The following ENTREP2 variants were observed in gnomAD, a reference collection of about 807,000 sequenced individuals.
ENTREP2 encodes endosomal transmembrane epsin interactor 2.
At chr15:29,404,312 C>T in the ENTREP2 span, among the ~76,000 whole-genome samples, 4 of 152,014 alleles carry the variant, frequency 2.6e-5, no homozygotes, top group African/African-American at 7.3e-5. Flanking sequence ...ATGGACAACT[C>T]GTGCCATGCT....
At chr15:29,257,688 A>C in the ENTREP2 span, among the ~76,000 whole-genome samples, 2 of 152,194 alleles carry the variant, frequency 1.3e-5, no homozygotes, top group Admixed American at 1.3e-4. Flanking sequence ...GCTAAATTAA[A>C]TTTAGGAAAA....
At chr15:29,135,799 C>T in the ENTREP2 span, among the ~76,000 whole-genome samples, 1 of 152,180 alleles carries the variant, frequency 6.6e-6, no homozygotes, top group Non-Finnish European at 1.5e-5. This position sits in a 1 kb window ranked among gnomAD's most constrained non-coding sequence, Gnocchi z 7.4. Flanking sequence ...ACTTCCCTGG[C>T]CTGAAGCTTC....
chr15:29,336,207 C>T, the ENTREP2 span, among the ~76,000 whole-genome samples: 1 of 151,552 alleles, frequency 6.6e-6, no homozygotes, highest in African/African-American at 2.4e-5. Context: ...CATACTTGTC[C>T]AAACTGTGAG....
the ENTREP2 span, among the ~76,000 whole-genome samples, chr15:29,383,626 T>C: frequency 7.9e-5 from 12 of 152,130 alleles, no homozygotes; most frequent in African/African-American, 2.7e-4. Context: ...GAGGAGGGCA[T>C]GATGCTGACA....
At chr15:29,179,840 C>T in the ENTREP2 span, among the ~76,000 whole-genome samples, 2 of 152,108 alleles carry the variant, frequency 1.3e-5, no homozygotes, top group Admixed American at 1.3e-4. Flanking sequence ...CCACCTCGGC[C>T]TCCCAAAGCG....
chr15:29,563,933 TATTA>T, the ENTREP2 span, among the ~76,000 whole-genome samples: 3 of 152,186 alleles, frequency 2.0e-5, no homozygotes, highest in African/African-American at 7.2e-5. Flanking sequence ...TATATTGAAA[TATTA>T]ATTTATAATT....
the ENTREP2 span, among the ~76,000 whole-genome samples, chr15:29,322,746 G>A: frequency 1.3e-5 from 2 of 152,164 alleles, no homozygotes; most frequent in African/African-American, 4.8e-5. Context: ...GCAACACGTG[G>A]ATTCAGTGAT....
At chr15:29,269,118 A>G in the ENTREP2 span, 1 of 1,614,132 alleles carries the variant, frequency 6.2e-7, no homozygotes, top group Non-Finnish European at 8.5e-7. Flanking sequence ...CCCAGGCTTC[A>G]GTTTCCTTGA....
chr15:29,170,392 G>T, the ENTREP2 span, among the ~76,000 whole-genome samples: 1 of 150,164 alleles, frequency 6.7e-6, no homozygotes, highest in South Asian at 2.1e-4. Flanking sequence ...TTAAAGATAC[G>T]ATTTACAATA....
the ENTREP2 span, among the ~76,000 whole-genome samples, chr15:29,647,043 A>G: frequency 1.8e-4 from 28 of 152,206 alleles, no homozygotes; most frequent in Non-Finnish European, 3.2e-4. Context: ...ATATAAATGC[A>G]GCTGTCATAT....
the ENTREP2 span, chr15:29,269,052 A>C: frequency 1.2e-6 from 2 of 1,614,028 alleles, no homozygotes; most frequent in Non-Finnish European, 1.7e-6. Flanking sequence ...GTTTCTTTGG[A>C]TCTCCGAAAA....
the ENTREP2 span, among the ~76,000 whole-genome samples, chr15:29,583,441 G>T: frequency 6.6e-6 from 1 of 152,122 alleles, no homozygotes; most frequent in Non-Finnish European, 1.5e-5. Flanking sequence ...TGAACAATGA[G>T]AACACATGGA....
the ENTREP2 span, among the ~76,000 whole-genome samples, chr15:29,150,906 A>T: frequency 6.6e-6 from 1 of 152,302 alleles, no homozygotes; most frequent in South Asian, 2.1e-4. Flanking sequence ...AGACAGAGAG[A>T]CAGAAAGAGA....
At chr15:29,657,525 A>G in the ENTREP2 span, among the ~76,000 whole-genome samples, 1 of 120,458 alleles carries the variant, frequency 8.3e-6, no homozygotes, top group South Asian at 2.6e-4. Context: ...TATTGTCCCC[A>G]CCCATATTCT....
At chr15:29,607,805 T>C in the ENTREP2 span, among the ~76,000 whole-genome samples, 1 of 134,944 alleles carries the variant, frequency 7.4e-6, no homozygotes, top group African/African-American at 3.3e-5. Context: ...GAGGGATAGA[T>C]AGATAGATAG....
chr15:29,665,092 A>T, the ENTREP2 span, among the ~76,000 whole-genome samples: 1 of 152,122 alleles, frequency 6.6e-6, no homozygotes, highest in Non-Finnish European at 1.5e-5. Context: ...ACACCTGGGG[A>T]GTTCATGGCT....
the ENTREP2 span, among the ~76,000 whole-genome samples, chr15:29,600,484 G>A: frequency 1.0e-2 from 1,306 of 131,238 alleles, 15 homozygotes; most frequent in Middle Eastern, 0.027. Context: ...CATCATCATC[G>A]TCATCTCATC....
At chr15:29,362,536 A>G in the ENTREP2 span, among the ~76,000 whole-genome samples, 1 of 151,836 alleles carries the variant, frequency 6.6e-6, no homozygotes, top group Non-Finnish European at 1.5e-5. Flanking sequence ...CGCCACACCC[A>G]GCTAATTTTT....
At chr15:29,369,347 C>T in the ENTREP2 span, among the ~76,000 whole-genome samples, 2,768 of 152,106 alleles carry the variant, frequency 0.018, 82 homozygotes, top group African/African-American at 0.063. Context: ...CAGTGACTTA[C>T]CACATACAAG....
Sources: allele counts gnomAD v4.1 joint callset (sites outside exome capture counted in the v4.1 genomes callset), GRCh38; gene constraint gnomAD v4.1.1; non-coding constraint Gnocchi (gnomAD v3.1); transcripts MANE v1.5; gene names NCBI Gene and HGNC (gene_info 2026-07-23, HGNC 2026-07-21).